Variants in BACH2 observed in about 807,000 individuals in gnomAD.
The protein encoded by BACH2 is transcription regulator protein BACH2.
BACH2 carries 5 observed loss-of-function variants against 61.8 expected under a neutral mutation model. That is an observed-to-expected ratio of 0.08 (90% CI 0.04 to 0.17). The LOEUF (loss-of-function observed/expected upper bound fraction) is 0.17, where lower values mean the gene tolerates loss of function less well. Ranked by LOEUF, BACH2 falls within the 10% of genes least tolerant of loss-of-function variation. The pLI is 1.00. For missense variants in BACH2, 824 were observed against 1,091.1 expected (o/e 0.76, Z 3.45); for synonymous variants, 446 against 440.1 (o/e 1.01, Z -0.17).
chr6:90,237,427 C>T (rs1249699092), intron 3 of BACH2, among the ~76,000 whole-genome samples: 1 of 152,168 alleles, frequency 6.6e-6, no homozygotes, highest in Non-Finnish European at 1.5e-5. Context: ...GTTTTATTTC[C>T]TCAGTATCTA....
In BACH2 at chr6:90,074,628, A is replaced by G. The variant is rs143186431; in HGVS notation, c.-13+14333T>C. 2.0e-3 allele frequency among the ~76,000 whole-genome samples: 310 copies of G among 152,308 alleles called. 2 individuals are homozygous for G. The highest frequency in any genetic ancestry group is 0.017 in the Middle Eastern group (5 of 294). ...TACACTATTACTGCAGTAGGGCTCA[A>G]TTCCTTTCGAGATATGCTTTCCTTG... On this transcript the variant is annotated intron_variant, in intron 5 of 8. Transcript: ENST00000257749.
chr6:90,059,567 T>C (rs1477910420), intron 5 of BACH2, among the ~76,000 whole-genome samples: 9 of 152,294 alleles, frequency 5.9e-5, no homozygotes, highest in Admixed American at 3.9e-4. Context: ...GTCAGTGTGG[T>C]GATTCCTCAG....
intron 4 of BACH2, among the ~76,000 whole-genome samples, chr6:90,122,498 C>T (rs1420500625): frequency 3.3e-5 from 5 of 152,226 alleles, no homozygotes; most frequent in Admixed American, 6.5e-5. Context: ...TGTCTTTTCT[C>T]TTTCTCCTTG....
At chr6:89,953,299 G>A (rs947608454) in intron 6 of BACH2, 26 of 152,210 alleles carry the variant, frequency 1.7e-4, no homozygotes, top group African/African-American at 6.0e-4. Context: ...ATGAGGAGAC[G>A]TGCTGGATTC....
chr6:89,985,000 C>T (rs1470894817), intron 6 of BACH2, among the ~76,000 whole-genome samples: 1 of 152,156 alleles, frequency 6.6e-6, no homozygotes, highest in Non-Finnish European at 1.5e-5. Flanking sequence ...AACAATTATC[C>T]TGGCTGAGTC....
chr6:90,066,460 A>C (rs1403045750), intron 5 of BACH2, among the ~76,000 whole-genome samples: 1 of 152,184 alleles, frequency 6.6e-6, no homozygotes, highest in Non-Finnish European at 1.5e-5. Flanking sequence ...TATGAAGATA[A>C]GTTTGGTGGC....
At chr6:90,012,370 C>T (rs1338544867) in intron 5 of BACH2, among the ~76,000 whole-genome samples, 2 of 152,012 alleles carry the variant, frequency 1.3e-5, no homozygotes, top group African/African-American at 2.4e-5. Context: ...TGGCTTACGC[C>T]TGTAATCACA....
chr6:90,294,810 C>T (rs1772287587), intron 1 of BACH2, among the ~76,000 whole-genome samples: 1 of 151,972 alleles, frequency 6.6e-6, no homozygotes. Flanking sequence ...TCATGTCAGC[C>T]CGAGCCTTTG....
intron 3 of BACH2, among the ~76,000 whole-genome samples, chr6:90,249,522 G>C (rs1328764153): frequency 6.6e-6 from 1 of 152,174 alleles, no homozygotes; most frequent in Non-Finnish European, 1.5e-5. Context: ...TGTAATGCCA[G>C]CACTTTGGGA....
At chr6:89,992,444 C>T (rs958094188) in intron 6 of BACH2, among the ~76,000 whole-genome samples, 1 of 152,160 alleles carries the variant, frequency 6.6e-6, no homozygotes, top group Admixed American at 6.5e-5. Context: ...AGTTTGAGAC[C>T]AGCCTGACCA....
chr6:90,091,117 C>G (rs558069633), intron 4 of BACH2, among the ~76,000 whole-genome samples: 21 of 152,266 alleles, frequency 1.4e-4, no homozygotes, highest in African/African-American at 5.1e-4. Flanking sequence ...GGAATTTGGG[C>G]TTCAGAATTC....
chr6:90,191,752 T>C (rs1264336711), intron 4 of BACH2, among the ~76,000 whole-genome samples: 3 of 152,232 alleles, frequency 2.0e-5, no homozygotes, highest in African/African-American at 7.2e-5. Context: ...AAGAGGCTAA[T>C]GCAGTATCTG....
chr6:90,028,814 C>T (rs1432214976), intron 5 of BACH2, among the ~76,000 whole-genome samples: 2 of 152,224 alleles, frequency 1.3e-5, no homozygotes, highest in Admixed American at 1.3e-4. Flanking sequence ...CTGTCATTCA[C>T]TAGCTGCAAA....
chr6:90,101,476 C>T (rs572569584), intron 4 of BACH2, among the ~76,000 whole-genome samples: 2 of 152,298 alleles, frequency 1.3e-5, no homozygotes, highest in Admixed American at 6.5e-5. Context: ...TGTCCTGGCA[C>T]TATATGTTGA....
intron 3 of BACH2, among the ~76,000 whole-genome samples, chr6:90,241,309 G>C (rs948667591): frequency 1.3e-5 from 2 of 152,100 alleles, no homozygotes; most frequent in African/African-American, 4.8e-5. Context: ...ATTCACCACA[G>C]CTAAAATCAA....
chr6:90,156,068 T>C lies in BACH2; in HGVS notation c.-162+50501A>G, dbSNP rs570200046. Among the ~76,000 whole-genome samples the C allele has an allele frequency of 2.2e-3, 342 of 152,282 alleles. 1 individual carries two copies. The highest frequency in any genetic ancestry group is 3.7e-3 in the Admixed American group (56 of 15,298). The stretch of plus-strand genomic sequence containing the variant: ...TTAGTGAGGGAGTTCCGCTATCTGA[T>C]GAAGCAGTGACTCACCTGAAAAGTT... On this transcript the variant is annotated intron_variant, in intron 4 of 8. Coordinates refer to ENST00000257749, the MANE Select transcript of BACH2 (RefSeq NM_021813.4).
At chr6:89,956,237 T>C (rs1340758403) in intron 6 of BACH2, among the ~76,000 whole-genome samples, 2 of 152,208 alleles carry the variant, frequency 1.3e-5, no homozygotes, top group Non-Finnish European at 2.9e-5. Context: ...GCAATACTCA[T>C]TCTGATACAG....
chr6:90,025,460 A>G, intron 5 of BACH2, among the ~76,000 whole-genome samples: 1 of 151,912 alleles, frequency 6.6e-6, no homozygotes, highest in East Asian at 1.9e-4. Context: ...ATTTATATTC[A>G]CTTCTCATAC....
chr6:90,248,029 C>A (rs1378449273), intron 3 of BACH2, among the ~76,000 whole-genome samples: 1 of 152,216 alleles, frequency 6.6e-6, no homozygotes, highest in Non-Finnish European at 1.5e-5. Context: ...ATGTTTGTTA[C>A]ATGAATGAAT....
Sources: allele counts gnomAD v4.1 joint callset (sites outside exome capture counted in the v4.1 genomes callset), GRCh38; gene constraint gnomAD v4.1.1; transcripts MANE v1.5; gene names NCBI Gene and HGNC (gene_info 2026-07-23, HGNC 2026-07-21).